SLC14A2: variants seen among roughly 807,000 people sequenced by gnomAD.
SLC14A2 encodes solute carrier family 14 member 2, also known as urea transporter 2.
SLC14A2 carries 91 observed loss-of-function variants against 104.6 expected under a neutral mutation model. The ratio of observed to expected loss-of-function variants is 0.87; its 90% CI spans 0.73 to 1.04. The LOEUF is 1.04. SLC14A2 is among the 50% of genes least tolerant of loss of function. The pLI is 0.00. For synonymous variants in SLC14A2, 476 were observed against 466.4 expected (o/e 1.02, Z -0.27); for missense variants, 1,189 against 1,156.0 (o/e 1.03, Z -0.41).
At chr18:45,314,897 A>T (rs2085113755) in intron 1 of SLC14A2, among the ~76,000 whole-genome samples, 1 of 152,224 alleles carries the variant, frequency 6.6e-6, no homozygotes, top group South Asian at 2.1e-4. Flanking sequence ...CTGCCTTCTG[A>T]TGCATCACAA....
intron 1 of SLC14A2, among the ~76,000 whole-genome samples, chr18:45,460,532 G>A (rs2087025882): frequency 6.6e-6 from 1 of 152,168 alleles, no homozygotes; most frequent in Non-Finnish European, 1.5e-5. Context: ...GGGTTGGCAG[G>A]TCTGAACTGT....
intron 2 of SLC14A2, among the ~76,000 whole-genome samples, chr18:45,537,313 CAAAA>C (rs1472555948): frequency 6.6e-6 from 1 of 151,822 alleles, no homozygotes; most frequent in African/African-American, 2.4e-5. Context: ...TAAAAGGAGA[CAAAA>C]AAGAAAGCAG....
At chr18:45,518,695 T>G (rs1189405517) in intron 2 of SLC14A2, among the ~76,000 whole-genome samples, 1 of 152,218 alleles carries the variant, frequency 6.6e-6, no homozygotes, top group Non-Finnish European at 1.5e-5. Context: ...GAGTTGGCCC[T>G]TCCTCTGTGT....
intron 2 of SLC14A2, among the ~76,000 whole-genome samples, chr18:45,485,897 C>T (rs2087595488): frequency 6.6e-6 from 1 of 152,134 alleles, no homozygotes. Context: ...AGACCAGCCC[C>T]CGGCCCCAGA....
At chr18:45,369,685 A>G (rs1454720879) in intron 1 of SLC14A2, among the ~76,000 whole-genome samples, 1 of 152,224 alleles carries the variant, frequency 6.6e-6, no homozygotes, top group African/African-American at 2.4e-5. Context: ...TATTTACACA[A>G]ATACATATTT....
intron 1 of SLC14A2, among the ~76,000 whole-genome samples, chr18:45,345,898 C>T (rs1040438349): frequency 7.2e-5 from 11 of 152,130 alleles, no homozygotes; most frequent in South Asian, 2.1e-4. Context: ...AGCTGCTCTC[C>T]GAAATGGTGG....
intron 1 of SLC14A2, among the ~76,000 whole-genome samples, chr18:45,398,270 G>T (rs1337295744): frequency 6.6e-6 from 1 of 152,098 alleles, no homozygotes; most frequent in South Asian, 2.1e-4. Flanking sequence ...AGCATTGAGT[G>T]TGTGGCTGAG....
chr18:45,308,389 G>A (rs2085045351), intron 1 of SLC14A2, among the ~76,000 whole-genome samples: 1 of 152,204 alleles, frequency 6.6e-6, no homozygotes, highest in African/African-American at 2.4e-5. Flanking sequence ...TTAAACCCAT[G>A]TGGTCTAACT....
chr18:45,506,002 T>A (rs2043278445), intron 2 of SLC14A2, among the ~76,000 whole-genome samples: 1 of 152,134 alleles, frequency 6.6e-6, no homozygotes, highest in African/African-American at 2.4e-5. Context: ...GAAAAAGATG[T>A]TCTGAGGGAG....
At chr18:45,668,153 T>C in intron 14 of SLC14A2, 131 bp downstream of exon 14, 1 of 1,143,104 alleles carries the variant, frequency 8.7e-7, no homozygotes, top group Non-Finnish European at 1.2e-6. Flanking sequence ...TGTTCCCTGG[T>C]TATTTTGTCA....
At chr18:45,393,510 A>G (rs1008964161) in intron 1 of SLC14A2, among the ~76,000 whole-genome samples, 1 of 152,220 alleles carries the variant, frequency 6.6e-6, no homozygotes, top group Non-Finnish European at 1.5e-5. Context: ...GATTGTGACC[A>G]TAAATTATCC....
chr18:45,392,222 T>C (rs183963521), intron 1 of SLC14A2, among the ~76,000 whole-genome samples: 23 of 152,278 alleles, frequency 1.5e-4, no homozygotes, highest in African/African-American at 5.3e-4. Flanking sequence ...CCAGAGAACC[T>C]CAGGACAGCT....
chr18:45,571,159 A>G (rs888177786), intron 2 of SLC14A2, among the ~76,000 whole-genome samples: 15 of 152,248 alleles, frequency 9.9e-5, no homozygotes, highest in African/African-American at 3.6e-4. Context: ...GGAAGCCAGT[A>G]CTGTAGATGA....
chr18:45,322,704 C>A (rs1210129122), intron 1 of SLC14A2, among the ~76,000 whole-genome samples: 1 of 152,178 alleles, frequency 6.6e-6, no homozygotes, highest in Non-Finnish European at 1.5e-5. Context: ...CATTCCTCTC[C>A]TAATATGGAT....
chr18:45,264,666 C>T (rs1312536664), intron 1 of SLC14A2, among the ~76,000 whole-genome samples: 1 of 152,062 alleles, frequency 6.6e-6, no homozygotes, highest in East Asian at 1.9e-4. Context: ...GAAGGGGAAG[C>T]CCCTTATAAA....
chr18:45,468,675 G>A (rs1408970546), intron 1 of SLC14A2, among the ~76,000 whole-genome samples: 1 of 152,128 alleles, frequency 6.6e-6, no homozygotes, highest in African/African-American at 2.4e-5. Flanking sequence ...TGAATAATTA[G>A]AAAATGATGG....
At chr18:45,674,583 C>T (rs1249886576) in intron 18 of SLC14A2, among the ~76,000 whole-genome samples, 1 of 151,830 alleles carries the variant, frequency 6.6e-6, no homozygotes, top group Non-Finnish European at 1.5e-5. Context: ...GCTACACCAA[C>T]CTAAGGCCAG....
At chr18:45,234,451 A>C (rs1349219278) in intron 1 of SLC14A2, among the ~76,000 whole-genome samples, 1 of 152,244 alleles carries the variant, frequency 6.6e-6, no homozygotes, top group Non-Finnish European at 1.5e-5. Context: ...ATTTTAGTCA[A>C]CTGATTTTAG....
chr18:45,535,040 C>T (rs1053482736), intron 2 of SLC14A2, among the ~76,000 whole-genome samples: 3 of 152,184 alleles, frequency 2.0e-5, no homozygotes, highest in African/African-American at 7.2e-5. Flanking sequence ...GTAATTCTTG[C>T]CCACTTTCCC....
Sources: gnomAD v4.1 joint callset for allele counts (sites outside exome capture counted in the v4.1 genomes callset) on GRCh38, gnomAD v4.1.1 for gene constraint, MANE v1.5 for transcripts, NCBI Gene and HGNC (gene_info 2026-07-23, HGNC 2026-07-21) for gene names.